Variants in GBP7 observed in about 807,000 individuals in gnomAD.
The protein encoded by GBP7 is guanylate-binding protein 7.
In GBP7, 43 loss-of-function variants were observed where a neutral mutation model predicts 61.3. The ratio of observed to expected loss-of-function variants is 0.70; its 90% CI spans 0.55 to 0.91. GBP7 has a LOEUF of 0.91. Among genes scored for constraint, GBP7 ranks in the 40% least tolerant of loss-of-function variants. GBP7 has a pLI of 0.00. For missense variants in GBP7, 717 were observed against 740.5 expected, an observed-to-expected ratio of 0.97 and a Z score of 0.37; for synonymous variants, 267 against 271.0, an observed-to-expected ratio of 0.99 and a Z score of 0.14.
chr1:89,151,655 T>A (rs1682202492), intron 5 of GBP7, among the ~76,000 whole-genome samples: 1 of 152,184 alleles, frequency 6.6e-6, no homozygotes, highest in Non-Finnish European at 1.5e-5. Flanking sequence ...GACAACATAT[T>A]ATATGAGACT....
chr1:89,150,599 C>A, intron 5 of GBP7, 24 bp from the exon 6 acceptor site: 1 of 1,611,298 alleles, frequency 6.2e-7, no homozygotes, highest in Non-Finnish European at 8.5e-7. Flanking sequence ...GAAAAAGTGA[C>A]TACTGAAGAA....
chr1:89,147,121 C>T (rs549077278), intron 8 of GBP7, among the ~76,000 whole-genome samples: 2 of 152,254 alleles, frequency 1.3e-5, no homozygotes, highest in East Asian at 3.9e-4. Context: ...AAAATGAATG[C>T]TCAATGTCTA....
chr1:89,133,176 A>T, intron 10 of GBP7, 82 bp downstream of exon 10: 1 of 958,776 alleles, frequency 1.0e-6, no homozygotes, highest in Non-Finnish European at 1.6e-6. Flanking sequence ...TGAAATCTTG[A>T]CTGAGCTTAA....
chr1:89,155,089 G>T (rs890919696), intron 3 of GBP7, among the ~76,000 whole-genome samples: 1 of 152,190 alleles, frequency 6.6e-6, no homozygotes, highest in Admixed American at 6.5e-5. Context: ...AGGCAAACAG[G>T]GTCTGGAGTG....
At chr1:89,157,154 A>G (rs1393942282) in intron 3 of GBP7, among the ~76,000 whole-genome samples, 1 of 152,234 alleles carries the variant, frequency 6.6e-6, no homozygotes, top group East Asian at 1.9e-4. Context: ...CTTTGAAACC[A>G]ATGAGAAGAA....
chr1:89,144,548 A>G (rs193254739), intron 8 of GBP7, among the ~76,000 whole-genome samples: 5 of 152,090 alleles, frequency 3.3e-5, no homozygotes, highest in Admixed American at 2.6e-4. Flanking sequence ...AGTATGTGCT[A>G]TTTTTCCCTT....
In GBP7 at chr1:89,164,820, C is replaced by T. The variant is rs1387408150; in HGVS notation, c.229G>A (p.Gly77Ser). Residue 77 changes from glycine (G) to serine (S), a missense_variant, in exon 3 of 11, where the codon GGC becomes AGC. Transcript: ENST00000294671. ...TGGGGCACACACCACATCCAGATGC[C>T]TTTGGTTTCAGACTTCACTGTGCAG... ...LGCTVKSETK[G>S]IWMWCVPHPS... 16 of 1,613,786 alleles carry T rather than the reference C, an allele frequency of 9.9e-6. No individual in the cohort carries two copies. Among genetic ancestry groups the T allele is most frequent in the Non-Finnish European group, 1.3e-5 (15 of 1,179,878 alleles).
In GBP7 at chr1:89,132,366, A is replaced by G. The variant is rs1180937099; in HGVS notation, c.1700T>C (p.Ile567Thr). ...EELLTEGFKE[I>T]FESLNEEINR... ...AATCTCTTCATTTAACGACTCAAAT[A>G]TCTCTTTAAATCCTTCAGTAAGCAG... Residue 567 changes from isoleucine (I) to threonine (T), a missense_variant, in exon 11 of 11, where the codon ATA becomes ACA. This residue lies in a region of GBP7 where 312 missense variants were observed against 310.1 expected (regional missense o/e 1.01). Transcript: ENST00000294671. 1 of 1,611,702 alleles carries G rather than the reference A, an allele frequency of 6.2e-7. No individual in the cohort carries two copies. The highest frequency in any genetic ancestry group is 2.2e-5 in the East Asian group (1 of 44,866).
chr1:89,167,080 C>A (rs187055755), intron 2 of GBP7, among the ~76,000 whole-genome samples: 63 of 152,268 alleles, frequency 4.1e-4, no homozygotes, highest in Admixed American at 9.8e-4. Context: ...AAACTCATTT[C>A]TTTGGAGAAC....
In GBP7 at chr1:89,132,194, T is replaced by G; in HGVS notation, c.1872A>C (p.Ser624=). The G allele has an allele frequency of 2.5e-6, 4 of 1,613,108 alleles. No homozygotes were observed. Among genetic ancestry groups the G allele is most frequent in the Non-Finnish European group, 3.4e-6 (4 of 1,179,368 alleles). Residue 624 remains serine (S), a synonymous_variant, in exon 11 of 11, where the codon TCA becomes TCC. Coordinates refer to ENST00000294671, the MANE Select transcript of GBP7 (RefSeq NM_207398.3). ...LVDLGMKILS[S]LCNRLRNPGK... The stretch of plus-strand genomic sequence containing the variant: ...CAGGATTTCTCAGCCTATTACATAA[T>G]GAGCTAAGAATTTTCATTCCTAAAT...
chr1:89,155,564 A>C (rs1250721839), intron 3 of GBP7, among the ~76,000 whole-genome samples: 1 of 152,248 alleles, frequency 6.6e-6, no homozygotes, highest in Non-Finnish European at 1.5e-5. Context: ...ATGCATGCAC[A>C]AGCTTCAGTA....
chr1:89,161,513 C>T (rs1451484570), intron 3 of GBP7, among the ~76,000 whole-genome samples: 1 of 152,026 alleles, frequency 6.6e-6, no homozygotes, highest in Non-Finnish European at 1.5e-5. Context: ...TTGCATTTCT[C>T]TAATGGTCAG....
Position 89,132,277 on chromosome 1 carries a change from G to C in GBP7, c.1789C>G (p.Leu597Val). 1 of 1,613,998 alleles carries C rather than the reference G, an allele frequency of 6.2e-7. No individual in the cohort carries two copies. The highest frequency in any genetic ancestry group is 8.5e-7 in the Non-Finnish European group (1 of 1,179,974). Residue 597 changes from leucine (L) to valine (V), a missense_variant, in exon 11 of 11, where the codon CTT becomes GTT. Around this residue, in one of 3 missense-constraint regions of GBP7, gnomAD observed 312 missense variants for 310.1 expected, o/e 1.01. Coordinates refer to ENST00000294671, the MANE Select transcript of GBP7 (RefSeq NM_207398.3). ...ATAAATATACTGCCAGCCACATCAA[G>C]AATCTGTGAAAACACTGAGGGCTCT... ...NEEPSVFSQILDVAGSIFIAA... is the reference protein window; with the variant it reads ...NEEPSVFSQIVDVAGSIFIAA...
Position 89,167,496 on chromosome 1 carries a change from A to G in GBP7, c.191-2638T>C, listed in dbSNP as rs536716725. Among the ~76,000 whole-genome samples, 6 of 152,232 alleles carry G rather than the reference A, an allele frequency of 3.9e-5. No individual in the cohort carries two copies. In the East Asian group the frequency reaches 1.2e-3, roughly 29 times the overall value. On this transcript the variant is annotated intron_variant, in intron 2 of 10. Transcript: ENST00000294671. The stretch of plus-strand genomic sequence containing the variant: ...ATATTTTGTTTGGTCTGCCTGCTTG[A>G]TTTAAAAATTTGGTGAATTGAGTGT...
chr1:89,136,271 C>T (rs56738283), intron 9 of GBP7, among the ~76,000 whole-genome samples: 2,954 of 152,154 alleles, frequency 0.019, 88 homozygotes, highest in African/African-American at 0.067. Flanking sequence ...AAAAAACTAA[C>T]GAAGATATTC....
At chr1:89,143,324 C>CT (rs1432188259) in intron 8 of GBP7, among the ~76,000 whole-genome samples, 8 of 152,114 alleles carry the variant, frequency 5.3e-5, no homozygotes, top group Non-Finnish European at 7.4e-5. Context: ...GAATTAAGCA[C>CT]TTTTTTCTGT....
chr1:89,143,529 T>C (rs1032288577), intron 8 of GBP7, among the ~76,000 whole-genome samples: 3 of 152,212 alleles, frequency 2.0e-5, no homozygotes, highest in Non-Finnish European at 4.4e-5. Context: ...ATTTTTTTTA[T>C]TTAACTTTTA....
chr1:89,151,037 T>C lies in GBP7; in HGVS notation c.626-462A>G, dbSNP rs186684676. On this transcript the variant is annotated intron_variant, in intron 5 of 10. Transcript: ENST00000294671. ...CAAATTATATATCCAATACTTTCTA[T>C]ACTTTTCTTCCCTTTTTTTGTGGTA... is the stretch of plus-strand genomic sequence containing the variant. Among the ~76,000 whole-genome samples, 27 of 152,346 alleles carry C rather than the reference T, an allele frequency of 1.8e-4. No individual in the cohort carries two copies. In the East Asian group the frequency reaches 4.8e-3, roughly 27 times the overall value.
Position 89,150,337 on chromosome 1 carries a change from A to T in GBP7, c.864T>A (p.Thr288=), listed in dbSNP as rs1399896235. 1 of 1,612,778 alleles carries T rather than the reference A, an allele frequency of 6.2e-7. No homozygotes were observed. Among genetic ancestry groups the T allele is most frequent in the Non-Finnish European group, 8.5e-7 (1 of 1,178,790 alleles). ...TKTLREGILV[T]GNRLGMLVET... ...ATAGGGAAATAGACTCACGGTTTCC[A>T]GTGACAAGGATTCCCTCTCTCAGGG... The change falls in exon 6 of 11, where the codon ACT becomes ACA. Residue 288 remains threonine (T), a synonymous_variant. Transcript: ENST00000294671.
Sources: allele counts gnomAD v4.1 joint callset (sites outside exome capture counted in the v4.1 genomes callset), GRCh38; gene constraint gnomAD v4.1.1; regional missense constraint gnomAD v4.1.1; transcripts MANE v1.5; gene names NCBI Gene and HGNC (gene_info 2026-07-23, HGNC 2026-07-21).